GABRG3: variants seen among roughly 807,000 people sequenced by gnomAD.
GABRG3 encodes gamma-aminobutyric acid type A receptor subunit gamma3.
GABRG3 carries 25 observed loss-of-function variants against 48.8 expected under a neutral mutation model. The ratio of observed to expected loss-of-function variants is 0.51; its 90% CI spans 0.37 to 0.72. The LOEUF (loss-of-function observed/expected upper bound fraction) is 0.72, where lower values mean the gene tolerates loss of function less well. Among genes scored for constraint, GABRG3 ranks in the 30% least tolerant of loss-of-function variants. GABRG3 has a pLI of 0.00. For missense variants in GABRG3, 394 were observed against 577.9 expected, an observed-to-expected ratio of 0.68 and a Z score of 3.26; for synonymous variants, 227 against 217.6, an observed-to-expected ratio of 1.04 and a Z score of -0.38.
In GABRG3 at chr15:27,352,030, G is replaced by A. The variant is rs908850736; in HGVS notation, c.574+23142G>A. Among the ~76,000 whole-genome samples the A allele has an allele frequency of 4.7e-5, 7 of 149,094 alleles. No homozygotes were observed. Among genetic ancestry groups the A allele is most frequent in the South Asian group, 2.1e-4 (1 of 4,696 alleles). ...TGATGTGTGGGTTTATGGTGTATGC[G>A]TGTATAGTGTGTGTGTGTATGGTAT... On this transcript the variant is annotated intron_variant, in intron 5 of 9. Coordinates refer to ENST00000615808, the MANE Select transcript of GABRG3 (RefSeq NM_033223.5). This position sits in a 1 kb window ranked among gnomAD's most constrained non-coding sequence, Gnocchi z 4.0.
intron 3 of GABRG3, among the ~76,000 whole-genome samples, chr15:27,089,439 C>T (rs1897147665): frequency 6.6e-6 from 1 of 152,136 alleles, no homozygotes; most frequent in African/African-American, 2.4e-5. Flanking sequence ...GTCTCTAGGG[C>T]AGGCTGGCAT....
At chr15:27,243,271 A>G (rs1890182205) in intron 3 of GABRG3, among the ~76,000 whole-genome samples, 3 of 152,198 alleles carry the variant, frequency 2.0e-5, no homozygotes, top group South Asian at 4.1e-4. Context: ...TACCATCGTG[A>G]ACGCTGTGAA....
chr15:27,282,884 C>A (rs1046581484), intron 3 of GABRG3, among the ~76,000 whole-genome samples: 5 of 151,986 alleles, frequency 3.3e-5, no homozygotes, highest in East Asian at 1.9e-4. Flanking sequence ...TAGGTGGACA[C>A]CCCCCCAGCC....
intron 5 of GABRG3, among the ~76,000 whole-genome samples, chr15:27,439,478 A>G (rs1037834774): frequency 2.0e-5 from 3 of 152,160 alleles, no homozygotes; most frequent in Non-Finnish European, 4.4e-5. Context: ...CTGTCCCCCT[A>G]CAGACAAACA....
chr15:27,087,558 G>A (rs1489644969), intron 3 of GABRG3, among the ~76,000 whole-genome samples: 1 of 152,196 alleles, frequency 6.6e-6, no homozygotes, highest in Non-Finnish European at 1.5e-5. Context: ...AGTAAAGCAG[G>A]AAAAGGAAGT....
intron 6 of GABRG3, among the ~76,000 whole-genome samples, chr15:27,504,717 G>A (rs993686760): frequency 6.6e-6 from 1 of 151,006 alleles, no homozygotes; most frequent in East Asian, 1.9e-4. Flanking sequence ...CCCCACCACC[G>A]CCCCAACAAA....
intron 3 of GABRG3, among the ~76,000 whole-genome samples, chr15:27,131,838 T>C (rs1024021361): frequency 6.6e-6 from 1 of 152,034 alleles, no homozygotes. Context: ...TGGGGTAAGG[T>C]GATGTCTTAC....
intron 3 of GABRG3, among the ~76,000 whole-genome samples, chr15:27,065,323 C>T (rs949649112): frequency 3.3e-5 from 5 of 152,196 alleles, no homozygotes; most frequent in African/African-American, 1.2e-4. Context: ...TCAGCAAAAC[C>T]TGCTGCTAGA....
At chr15:26,993,026 A>T (rs1017634424) in intron 2 of GABRG3, among the ~76,000 whole-genome samples, 1 of 152,034 alleles carries the variant, frequency 6.6e-6, no homozygotes, top group African/African-American at 2.4e-5. Context: ...GCCACTAATG[A>T]TCCTTTAAAT....
chr15:27,096,890 G>C (rs1286105186), intron 3 of GABRG3, among the ~76,000 whole-genome samples: 6 of 146,716 alleles, frequency 4.1e-5, no homozygotes, highest in Non-Finnish European at 7.4e-5. Context: ...GCCCAGGCTG[G>C]AGTGCAGTGG....
intron 6 of GABRG3, among the ~76,000 whole-genome samples, chr15:27,497,998 T>G (rs1041787138): frequency 1.3e-5 from 2 of 152,238 alleles, no homozygotes; most frequent in African/African-American, 2.4e-5. Flanking sequence ...ATTCTGTTGT[T>G]TCATTTTAAA....
At chr15:27,174,208 A>G (rs10519589) in intron 3 of GABRG3, among the ~76,000 whole-genome samples, 4,099 of 152,304 alleles carry the variant, frequency 0.027, 86 homozygotes, top group Middle Eastern at 0.048. Flanking sequence ...TGCTTTGTTT[A>G]AATTAGTATC....
intron 3 of GABRG3, chr15:27,295,333 G>C (rs1759501650): frequency 6.6e-6 from 1 of 152,168 alleles, no homozygotes; most frequent in South Asian, 2.1e-4. Context: ...TTGGTGTAAA[G>C]CCTTATTTAA....
At chr15:27,038,620 G>A (rs2376483) in intron 3 of GABRG3, among the ~76,000 whole-genome samples, 64,950 of 152,040 alleles carry the variant, frequency 0.43, 14,206 homozygotes, top group East Asian at 0.64. Context: ...CACAGACTGT[G>A]TCGATATCTT....
intron 3 of GABRG3, among the ~76,000 whole-genome samples, chr15:27,113,501 GGGTGATGCTCT>G (rs921980021): frequency 6.6e-6 from 1 of 152,076 alleles, no homozygotes; most frequent in Non-Finnish European, 1.5e-5. Context: ...GGAGGGCTGG[GGGTGATGCTCT>G]GGTCATTGTC....
At chr15:27,106,432 C>T (rs1897450652) in intron 3 of GABRG3, among the ~76,000 whole-genome samples, 1 of 151,132 alleles carries the variant, frequency 6.6e-6, no homozygotes, top group Admixed American at 6.6e-5. Flanking sequence ...CTGAGCAGTC[C>T]TGCAGGAAAG....
At chr15:27,200,500 C>T (rs1206161271) in intron 3 of GABRG3, among the ~76,000 whole-genome samples, 1 of 152,170 alleles carries the variant, frequency 6.6e-6, no homozygotes, top group East Asian at 1.9e-4. Flanking sequence ...TGCAACCTCG[C>T]CTCTCCAGGT....
intron 3 of GABRG3, among the ~76,000 whole-genome samples, chr15:27,279,150 T>C (rs968734246): frequency 6.6e-6 from 1 of 152,238 alleles, no homozygotes; most frequent in African/African-American, 2.4e-5. Flanking sequence ...AGTTGGGTTT[T>C]GAGAGTTCCT....
intron 3 of GABRG3, among the ~76,000 whole-genome samples, chr15:27,145,665 T>TATCTATC (rs57021410): frequency 0.038 from 5,252 of 138,408 alleles, 236 homozygotes; most frequent in African/African-American, 0.05. Flanking sequence ...ATCTATCTAT[T>TATCTATC]GTGCCAGAAG....
Sources: gnomAD v4.1 joint callset for allele counts (sites outside exome capture counted in the v4.1 genomes callset) on GRCh38, gnomAD v4.1.1 for gene constraint, Gnocchi (gnomAD v3.1) non-coding constraint, MANE v1.5 for transcripts, NCBI Gene and HGNC (gene_info 2026-07-23, HGNC 2026-07-21) for gene names.